SDR42E2: variants seen among roughly 807,000 people sequenced by gnomAD.
SDR42E2 encodes short chain dehydrogenase/reductase family 42E, member 2.
Under a neutral mutation model 10.5 loss-of-function variants are expected in SDR42E2, and 20 were observed. The ratio of observed to expected loss-of-function variants is 1.90; its 90% CI spans 1.34 to 2.77. The LOEUF is 2.77. Among genes scored for constraint, SDR42E2 ranks in the 30% most tolerant of loss-of-function variants. The pLI is 0.00. For synonymous variants in SDR42E2, 72 were observed against 39.2 expected (o/e 1.84, Z -3.12); for missense variants, 162 against 104.2 (o/e 1.55, Z -2.42).
intron 7 of SDR42E2, among the ~76,000 whole-genome samples, chr16:22,173,142 C>T (rs2046614765): frequency 6.6e-6 from 1 of 152,112 alleles, no homozygotes; most frequent in Non-Finnish European, 1.5e-5. Flanking sequence ...GGCAAATAGT[C>T]CGTATTTCTT....
At chr16:22,184,550 C>A (rs1485577453) in intron 11 of SDR42E2, among the ~76,000 whole-genome samples, 3 of 152,060 alleles carry the variant, frequency 2.0e-5, no homozygotes, top group African/African-American at 2.4e-5. Context: ...TGCAGTGAGC[C>A]GAGATCCCGC....
chr16:22,169,272 C>G (rs1407323578), intron 4 of SDR42E2, among the ~76,000 whole-genome samples, 173 bp from the exon 5 acceptor site: 2 of 152,124 alleles, frequency 1.3e-5, no homozygotes, highest in African/African-American at 2.4e-5. Context: ...CTCTGGCCAC[C>G]CAGGAAGATG....
intron 7 of SDR42E2, among the ~76,000 whole-genome samples, chr16:22,173,103 C>G (rs548457891): frequency 6.6e-6 from 1 of 152,120 alleles, no homozygotes; most frequent in East Asian, 1.9e-4. Flanking sequence ...TATATTGCCT[C>G]TTCTGGTTAT....
intron 8 of SDR42E2, among the ~76,000 whole-genome samples, chr16:22,180,220 A>G (rs2046681340): frequency 6.6e-6 from 1 of 152,042 alleles, no homozygotes; most frequent in Admixed American, 6.6e-5. Flanking sequence ...GTGGAACAAC[A>G]TGGTTGTACT....
At chr16:22,185,646 C>T (rs1467111390) in intron 11 of SDR42E2, among the ~76,000 whole-genome samples, 1 of 152,058 alleles carries the variant, frequency 6.6e-6, no homozygotes, top group African/African-American at 2.4e-5. Flanking sequence ...CTTGCACTGC[C>T]ACCCAGGCTG....
intron 12 of SDR42E2, among the ~76,000 whole-genome samples, chr16:22,189,629 TC>T (rs1442492240): frequency 5.3e-5 from 8 of 152,168 alleles, no homozygotes; most frequent in Non-Finnish European, 1.2e-4. Flanking sequence ...ATAATCGAAT[TC>T]CTCTCTTAGG....
Position 22,166,914 on chromosome 16 carries a change from G to A in SDR42E2, c.251G>A (p.Arg84Gln), listed in dbSNP as rs770613023. ...CTTCCTCTGGTGCAGGCTGATGTCC[G>A]AGATGAAGAAGCCCTGTACCGTGCC... ...PETKFIQADV[R>Q]DEEALYRAFE... is the part of the protein sequence containing the mutation. Residue 84 changes from arginine (R) to glutamine (Q), a missense_variant, in exon 4 of 13, where the codon CGA (arginine) becomes CAA (glutamine). Transcript: ENST00000602312. 18 of 674,020 alleles carry A rather than the reference G, an allele frequency of 2.7e-5. No homozygotes were observed. Among genetic ancestry groups the A allele is most frequent in the African/African-American group, 1.1e-4 (6 of 56,632 alleles). 41.8% of individuals were successfully genotyped at this position (674,020 alleles called of 1,614,324 possible).
At position 22,170,841 on chromosome 16, in the gene SDR42E2, C is replaced by T. The variant is rs527713932; in HGVS notation, c.403C>T (p.Arg135Cys). The T allele has an allele frequency of 3.4e-5, 24 of 702,946 alleles. No individual in the cohort carries two copies. The highest frequency in any genetic ancestry group is 2.3e-4 in the Middle Eastern group (1 of 4,370). 43.5% of individuals were successfully genotyped at this position (702,946 alleles called of 1,614,324 possible). A position where few individuals can be genotyped will look rare whatever the true frequency, so the allele number is the denominator to read the frequency against. The change falls in exon 6 of 13, where the codon CGC becomes TGC. Residue 135 changes from arginine to cysteine, a missense_variant. By Grantham distance (180) the Arg-to-Cys change is radical. Coordinates refer to ENST00000602312, the MANE Select transcript of SDR42E2 (RefSeq NM_001394319.2). ...TGCACCTGCTGCTGCAGTCTGTGTT[C>T]GCCGGCGGGTTCCAAGGCTCATCTA... is the stretch of plus-strand genomic sequence containing the variant. The part of the protein sequence containing the change: ...GTKLVIDVCV[R>C]RRVPRLIYTS...
At chr16:22,185,113 C>T (rs11648814) in intron 11 of SDR42E2, among the ~76,000 whole-genome samples, 3,153 of 152,246 alleles carry the variant, frequency 0.021, 46 homozygotes, top group Non-Finnish European at 0.034. Context: ...ACCTCCACCC[C>T]CGACAATGCG....
chr16:22,172,206 C>T (rs2046606964), intron 6 of SDR42E2, 50 bp from the exon 7 acceptor site: 1 of 702,694 alleles, frequency 1.4e-6, no homozygotes, highest in Non-Finnish European at 2.6e-6. Context: ...GCATTGCCAG[C>T]AGCATTGCTG....
intron 12 of SDR42E2, among the ~76,000 whole-genome samples, chr16:22,188,775 T>A (rs1327817940): frequency 6.6e-6 from 1 of 152,054 alleles, no homozygotes; most frequent in Non-Finnish European, 1.5e-5. Context: ...CCTCTGCTGG[T>A]CAATCTGTGA....
Position 22,175,197 on chromosome 16 carries a change from C to G in SDR42E2, c.589+2866C>G, listed in dbSNP as rs545605804. 1.4e-3 allele frequency among the ~76,000 whole-genome samples: 211 copies of G among 152,218 alleles called. 1 individual carries two copies. The highest frequency in any genetic ancestry group is 1.6e-3 in the Non-Finnish European group (108 of 68,020). On this transcript the variant is annotated intron_variant, in intron 7 of 12. Coordinates refer to ENST00000602312, the MANE Select transcript of SDR42E2 (RefSeq NM_001394319.2). ...GAAATGGGCCGGGCATGGTGGCTGA[C>G]ACCTGTAATCCCAGCACTTTGTGAG...
At chr16:22,188,602 G>C (rs2046750969) in intron 12 of SDR42E2, among the ~76,000 whole-genome samples, 1 of 152,194 alleles carries the variant, frequency 6.6e-6, no homozygotes, top group South Asian at 2.1e-4. Flanking sequence ...TTGTGAAAAT[G>C]CATCAGGAAT....
intron 6 of SDR42E2, 143 bp from the exon 7 acceptor site, chr16:22,172,113 G>A (rs2046606421): frequency 1.6e-6 from 1 of 634,508 alleles, no homozygotes; most frequent in Non-Finnish European, 2.9e-6. Flanking sequence ...CCACCCAGGG[G>A]GAGAGGAAAG....
chr16:22,182,350 T>TA (rs1352831224), intron 10 of SDR42E2, 73 bp downstream of exon 10: 1 of 400,244 alleles, frequency 2.5e-6, no homozygotes, highest in East Asian at 3.6e-5. Context: ...TTTTTATTTT[T>TA]TTTTTTAATT....
In SDR42E2 at chr16:22,170,152, C is replaced by T. The variant is rs372610826; in HGVS notation, c.394+650C>T. Among the ~76,000 whole-genome samples, 27 of 151,912 alleles carry T rather than the reference C, an allele frequency of 1.8e-4. No individual in the cohort carries two copies. In the East Asian group the frequency reaches 3.1e-3, roughly 17 times the overall value. On this transcript the variant is annotated intron_variant, in intron 5 of 12. Coordinates refer to ENST00000602312, the MANE Select transcript of SDR42E2 (RefSeq NM_001394319.2). ...GGTGGATCACCTGAGGTCGGGAGTT[C>T]GGGGCTAGACTGACCAACACGAAGA...
intron 9 of SDR42E2, 110 bp downstream of exon 9, chr16:22,181,766 A>G: frequency 1.6e-6 from 1 of 626,504 alleles, no homozygotes; most frequent in Non-Finnish European, 2.9e-6. Flanking sequence ...CAACTTAAGA[A>G]GGCTGGTGGG....
rs1392182865 is a variant in SDR42E2 at position 22,190,339 on chromosome 16, G to A, written c.1215G>A (p.Leu405=). ...RLLLFLGLLA[L]ALHFLGLQPL... ...TGCTGTTCCTCGGCTTGCTCGCCCT[G>A]GCCCTGCACTTCCTAGGCCTGCAGC... The change falls in exon 13 of 13, where the codon CTG becomes CTA. Residue 405 remains leucine (L), a synonymous_variant. Coordinates refer to ENST00000602312, the MANE Select transcript of SDR42E2 (RefSeq NM_001394319.2). 2.5e-6 allele frequency: 1 copy of A among 402,648 alleles called. No homozygotes were observed. The highest frequency in any genetic ancestry group is 4.4e-6 in the Non-Finnish European group (1 of 227,450). 24.9% of individuals were successfully genotyped at this position (402,648 alleles called of 1,614,324 possible). A position where few individuals can be genotyped will look rare whatever the true frequency, so the allele number is the denominator to read the frequency against.
At position 22,169,471 on chromosome 16, in the gene SDR42E2, A is replaced by G. The variant is rs748707669; in HGVS notation, c.363A>G (p.Ile121Met). 2.8e-6 allele frequency: 2 copies of G among 703,536 alleles called. No homozygotes were observed. Among genetic ancestry groups the G allele is most frequent in the Admixed American group, 4.0e-5 (2 of 50,012 alleles). 43.6% of individuals were successfully genotyped at this position (703,536 alleles called of 1,614,324 possible). A position where few individuals can be genotyped will look rare whatever the true frequency, so the allele number is the denominator to read the frequency against. ...EKLQKEQIES[I>M]NVGGTKLVID... The stretch of plus-strand genomic sequence containing the variant: ...TGCAGAAAGAGCAGATTGAGTCTAT[A>G]AATGTTGGAGGCACCAAACTAGTGA... The change falls in exon 5 of 13, where the codon ATA becomes ATG. Residue 121 changes from isoleucine (I) to methionine (M), a missense_variant. Ile to Met is a conservative substitution (Grantham distance 10). Coordinates refer to ENST00000602312, the MANE Select transcript of SDR42E2 (RefSeq NM_001394319.2).
Sources: allele counts gnomAD v4.1 joint callset (sites outside exome capture counted in the v4.1 genomes callset), GRCh38; gene constraint gnomAD v4.1.1; transcripts MANE v1.5; gene names NCBI Gene and HGNC (gene_info 2026-07-23, HGNC 2026-07-21).